Variants in NRG1 observed in about 807,000 individuals in gnomAD.
NRG1 encodes pro-neuregulin-1, membrane-bound isoform.
Under a neutral mutation model 63.8 loss-of-function variants are expected in NRG1, and 18 were observed. That is an observed-to-expected ratio of 0.28 (90% CI 0.19 to 0.42). NRG1 has a LOEUF of 0.42. Ranked by LOEUF, NRG1 falls within the 10% of genes least tolerant of loss-of-function variation. The pLI is 1.00. For missense variants in NRG1, 762 were observed against 814.7 expected, an observed-to-expected ratio of 0.94 and a Z score of 0.79; for synonymous variants, 302 against 301.3, an observed-to-expected ratio of 1.00 and a Z score of -0.02.
chr8:31,680,621 A>G (rs566385981), intron 1 of NRG1, among the ~76,000 whole-genome samples: 128 of 150,898 alleles, frequency 8.5e-4, no homozygotes, highest in Middle Eastern at 6.8e-3. Flanking sequence ...GTGTCTTTAT[A>G]GCAGCATGAT....
chr8:32,756,508 C>T (rs775162169), exon 9 of NRG1: 20 of 1,612,374 alleles, frequency 1.2e-5, no homozygotes, highest in South Asian at 2.2e-5. Context: ...ACCCACCCCC[C>T]GAGAATGTCC....
At chr8:32,480,824 G>C (rs1825172835) in intron 1 of NRG1, among the ~76,000 whole-genome samples, 1 of 152,096 alleles carries the variant, frequency 6.6e-6, no homozygotes. Flanking sequence ...TATGAACTCA[G>C]AGCAAGAACT....
At chr8:32,193,747 T>G (rs537492289) in intron 1 of NRG1, among the ~76,000 whole-genome samples, 94 of 152,314 alleles carry the variant, frequency 6.2e-4, no homozygotes, top group African/African-American at 2.2e-3. Context: ...GGTAATTAAG[T>G]TAAAATGAAG....
At chr8:31,770,716 T>G (rs949068903) in intron 1 of NRG1, among the ~76,000 whole-genome samples, 10 of 151,178 alleles carry the variant, frequency 6.6e-5, no homozygotes, top group African/African-American at 2.4e-4. Flanking sequence ...TGTATACATA[T>G]GTAACAAACC....
chr8:32,635,811 G>A (rs939037853), intron 5 of NRG1, among the ~76,000 whole-genome samples: 2 of 152,126 alleles, frequency 1.3e-5, no homozygotes, highest in African/African-American at 4.8e-5. Context: ...GGTTGTGAAT[G>A]GGTAACAATC....
exon 12 of NRG1, chr8:32,763,941 G>A (rs373209977): frequency 1.2e-6 from 2 of 1,614,032 alleles, no homozygotes; most frequent in Non-Finnish European, 1.7e-6. Context: ...AAGGCTGCGG[G>A]AGAAGAAGTT....
intron 1 of NRG1, among the ~76,000 whole-genome samples, chr8:31,979,442 C>T (rs938379420): frequency 6.6e-6 from 1 of 152,044 alleles, no homozygotes; most frequent in Non-Finnish European, 1.5e-5. Flanking sequence ...GTCTTGTCTG[C>T]CTCGTCAAAT....
At position 31,795,316 on chromosome 8, in the gene NRG1, G is replaced by A. The variant is rs189463816; in HGVS notation, c.37+155885G>A. On this transcript the variant is annotated intron_variant, in intron 1 of 10. Coordinates refer to the NRG1 transcript ENST00000519301. The stretch of plus-strand genomic sequence containing the variant: ...TTTGACAAATAGGCCAGACTTCTAC[G>A]TGTGCATATTTGTTTTGTGTGTGTC... 2.1e-3 allele frequency among the ~76,000 whole-genome samples: 313 copies of A among 152,284 alleles called. 3 individuals are homozygous for A. Among genetic ancestry groups the A allele is most frequent in the South Asian group, 3.1e-3 (15 of 4,818 alleles).
intron 1 of NRG1, among the ~76,000 whole-genome samples, chr8:31,942,255 A>G (rs1801864798): frequency 6.6e-6 from 1 of 151,986 alleles, no homozygotes; most frequent in African/African-American, 2.4e-5. Context: ...GCCCACTGAT[A>G]TTCACCAAAG....
chr8:32,114,858 G>A (rs1367014201), intron 1 of NRG1, among the ~76,000 whole-genome samples: 1 of 152,162 alleles, frequency 6.6e-6, no homozygotes, highest in African/African-American at 2.4e-5. Context: ...GAGCATCTAT[G>A]TTGACAAGAC....
At chr8:31,861,785 T>C (rs1828498564) in intron 1 of NRG1, among the ~76,000 whole-genome samples, 1 of 152,216 alleles carries the variant, frequency 6.6e-6, no homozygotes, top group Non-Finnish European at 1.5e-5. Flanking sequence ...CAATGAACTA[T>C]TGAAATACCA....
chr8:31,953,171 G>T (rs1050961510), intron 1 of NRG1, among the ~76,000 whole-genome samples: 4 of 152,074 alleles, frequency 2.6e-5, no homozygotes, highest in Admixed American at 6.6e-5. Flanking sequence ...ATTTTAAAAG[G>T]TAATTTAGCA....
At chr8:32,761,389 GTCTT>G (rs1425012870) in intron 11 of NRG1, among the ~76,000 whole-genome samples, 2 of 151,980 alleles carry the variant, frequency 1.3e-5, no homozygotes, top group Admixed American at 6.6e-5. Context: ...CTTTGATAGA[GTCTT>G]TCCACTCTTG....
At chr8:32,352,045 C>A (rs187824336) in intron 1 of NRG1, among the ~76,000 whole-genome samples, 1 of 151,648 alleles carries the variant, frequency 6.6e-6, no homozygotes, top group Admixed American at 6.6e-5. Context: ...GCCATGTCAT[C>A]CAGCTTCAAT....
rs1001155845 is a variant in NRG1 at position 31,769,982 on chromosome 8, G to A, written c.37+130551G>A. On this transcript the variant is annotated intron_variant, in intron 1 of 10. Coordinates refer to the NRG1 transcript ENST00000519301. ...TTATTCAGACATATTCAGGAGTACC[G>A]GGGAGAGAGAATACTCCAGGAAATA... 2.6e-5 allele frequency among the ~76,000 whole-genome samples: 4 copies of A among 152,152 alleles called. No individual in the cohort carries two copies. In the East Asian group the frequency reaches 7.7e-4, roughly 29 times the overall value.
intron 1 of NRG1, among the ~76,000 whole-genome samples, chr8:32,170,238 A>G (rs1347297093): frequency 6.6e-6 from 1 of 152,224 alleles, no homozygotes; most frequent in African/African-American, 2.4e-5. Flanking sequence ...GGAATTTGAT[A>G]CACCTTCCTA....
chr8:32,401,185 A>G (rs1813144776), intron 1 of NRG1, among the ~76,000 whole-genome samples: 1 of 152,098 alleles, frequency 6.6e-6, no homozygotes. Flanking sequence ...AAATATACCT[A>G]TAGGGTACTA....
chr8:32,036,343 T>C (rs990738985), intron 1 of NRG1, among the ~76,000 whole-genome samples: 1 of 152,010 alleles, frequency 6.6e-6, no homozygotes, highest in African/African-American at 2.4e-5. Flanking sequence ...CTGGCCTTTT[T>C]CTCTGGCTAC....
chr8:32,126,453 C>T (rs979839342), intron 1 of NRG1, among the ~76,000 whole-genome samples: 1 of 151,900 alleles, frequency 6.6e-6, no homozygotes, highest in Non-Finnish European at 1.5e-5. Flanking sequence ...TGTCTCTCCT[C>T]ACCTCCCAAA....
Sources: gnomAD v4.1 joint callset for allele counts (sites outside exome capture counted in the v4.1 genomes callset) on GRCh38, gnomAD v4.1.1 for gene constraint, MANE v1.5 for transcripts, NCBI Gene and HGNC (gene_info 2026-07-23, HGNC 2026-07-21) for gene names.